NXPE2: variants seen among roughly 807,000 people sequenced by gnomAD.
NXPE2 encodes NXPE family member 2.
Under a neutral mutation model 34.4 loss-of-function variants are expected in NXPE2, and 34 were observed. That is an observed-to-expected ratio of 0.99 (90% CI 0.75 to 1.31). NXPE2 has a LOEUF of 1.31. Ranked by LOEUF, NXPE2 falls within the 40% of genes most tolerant of loss-of-function variation. NXPE2 has a pLI of 0.00. For synonymous variants in NXPE2, 235 were observed against 231.3 expected (o/e 1.02, Z -0.15); for missense variants, 649 against 672.5 (o/e 0.97, Z 0.39).
At chr11:114,653,267 A>G in the NXPE2 span, among the ~76,000 whole-genome samples, 3 of 152,244 alleles carry the variant, frequency 2.0e-5, no homozygotes, top group African/African-American at 7.2e-5. Flanking sequence ...CATTATAAAA[A>G]TGTTCTATAA....
At chr11:114,537,232 C>G in the NXPE2 span, among the ~76,000 whole-genome samples, 22 of 152,206 alleles carry the variant, frequency 1.4e-4, no homozygotes, top group East Asian at 3.9e-4. Flanking sequence ...ATTCAACAAC[C>G]CTTCATGCTA....
the NXPE2 span, among the ~76,000 whole-genome samples, chr11:114,798,032 T>C: frequency 6.6e-6 from 1 of 152,232 alleles, no homozygotes; most frequent in Admixed American, 6.5e-5. Flanking sequence ...GCTATCAGAC[T>C]GCAATTGTGC....
the NXPE2 span, among the ~76,000 whole-genome samples, chr11:114,538,445 A>C: frequency 3.0e-3 from 452 of 152,290 alleles, 3 homozygotes; most frequent in African/African-American, 0.011. Flanking sequence ...TAATTAAACT[A>C]AAGAGCTTCT....
the NXPE2 span, among the ~76,000 whole-genome samples, chr11:114,753,283 C>T: frequency 6.6e-6 from 1 of 151,986 alleles, no homozygotes; most frequent in Non-Finnish European, 1.5e-5. Context: ...GACCCAGCTA[C>T]TCGGAAGGCT....
chr11:114,599,187 C>G, the NXPE2 span, among the ~76,000 whole-genome samples: 3 of 152,118 alleles, frequency 2.0e-5, no homozygotes, highest in South Asian at 6.2e-4. Context: ...GGTCAAAGTT[C>G]CACAGATCCC....
the NXPE2 span, among the ~76,000 whole-genome samples, chr11:114,593,366 A>G: frequency 2.6e-5 from 4 of 152,144 alleles, no homozygotes. Context: ...ATTGGGCAAA[A>G]GATCTGAATA....
chr11:114,681,690 G>A (rs1010772187), intron 2 of NXPE2, among the ~76,000 whole-genome samples: 2 of 151,878 alleles, frequency 1.3e-5, no homozygotes, highest in African/African-American at 4.8e-5. Context: ...ACTGATAACA[G>A]GCATTAAGTC....
the NXPE2 span, among the ~76,000 whole-genome samples, chr11:114,670,681 G>C: frequency 2.6e-5 from 4 of 152,076 alleles, no homozygotes; most frequent in Admixed American, 2.6e-4. Context: ...AACAGAGTGA[G>C]ACTGTGTCTC....
At chr11:114,714,390 T>G in the NXPE2 span, among the ~76,000 whole-genome samples, 22 of 152,236 alleles carry the variant, frequency 1.4e-4, no homozygotes, top group Non-Finnish European at 2.9e-4. Flanking sequence ...GACAATTATA[T>G]AAAAGTCTTT....
chr11:114,516,204 A>G, the NXPE2 span, among the ~76,000 whole-genome samples: 1 of 152,064 alleles, frequency 6.6e-6, no homozygotes, highest in Admixed American at 6.6e-5. Context: ...CTTGAATGCA[A>G]TCCTAGGGTT....
chr11:114,599,588 G>C, the NXPE2 span, among the ~76,000 whole-genome samples: 3 of 152,146 alleles, frequency 2.0e-5, no homozygotes, highest in Non-Finnish European at 4.4e-5. Context: ...GGTTCCACAG[G>C]CTATACAGGG....
chr11:114,704,653 A>G (rs183170414), intron 4 of NXPE2, among the ~76,000 whole-genome samples: 17 of 152,322 alleles, frequency 1.1e-4, no homozygotes, highest in Non-Finnish European at 2.1e-4. Flanking sequence ...ACCATTACTC[A>G]TCACCCCTTT....
chr11:114,673,378 A>G, the NXPE2 span, among the ~76,000 whole-genome samples: 1 of 151,564 alleles, frequency 6.6e-6, no homozygotes, highest in Non-Finnish European at 1.5e-5. Flanking sequence ...AAAAAAGAAG[A>G]AAGATCTCAA....
At chr11:114,674,160 C>G (rs762347787), upstream of NXPE2, among the ~76,000 whole-genome samples, 2 of 151,662 alleles carry the variant, frequency 1.3e-5, no homozygotes, top group Non-Finnish European at 3.0e-5. Context: ...ATTAAAATGC[C>G]TTAGTAGTCT....
the NXPE2 span, chr11:114,583,410 C>G: frequency 1.1e-5 from 7 of 640,998 alleles, no homozygotes; most frequent in Non-Finnish European, 2.1e-5. Flanking sequence ...AAAATGGAAA[C>G]CCATCACCCT....
At chr11:114,749,105 C>T in the NXPE2 span, among the ~76,000 whole-genome samples, 2 of 152,140 alleles carry the variant, frequency 1.3e-5, no homozygotes, top group South Asian at 4.1e-4. Context: ...ACCATTTCTC[C>T]AAAGAGTCCT....
chr11:114,679,894 C>T (rs912392617), intron 2 of NXPE2, 132 bp downstream of exon 2: 1 of 588,270 alleles, frequency 1.7e-6, no homozygotes, highest in African/African-American at 1.9e-5. Context: ...CAGGGGTTCA[C>T]TGTTCAGCAT....
At chr11:114,580,254 T>G in the NXPE2 span, 3 of 1,614,062 alleles carry the variant, frequency 1.9e-6, no homozygotes, top group Non-Finnish European at 2.5e-6. Context: ...GGAGACAGGA[T>G]TCCATGTGTT....
chr11:114,664,666 G>A, the NXPE2 span, among the ~76,000 whole-genome samples: 4 of 152,286 alleles, frequency 2.6e-5, no homozygotes, highest in African/African-American at 9.6e-5. Flanking sequence ...GTGAGGGTTT[G>A]ACTTATGAGT....
Sources: allele counts gnomAD v4.1 joint callset (sites outside exome capture counted in the v4.1 genomes callset), GRCh38; gene constraint gnomAD v4.1.1; transcripts MANE v1.5; gene names NCBI Gene and HGNC (gene_info 2026-07-23, HGNC 2026-07-21).